SLC25A40: variants seen among roughly 807,000 people sequenced by gnomAD.
SLC25A40 encodes the protein mitochondrial glutathione transporter SLC25A40.
Under a neutral mutation model 46.5 loss-of-function variants are expected in SLC25A40, and 41 were observed. The observed-to-expected ratio is 0.88, with a 90% CI of 0.69 to 1.14. The LOEUF (loss-of-function observed/expected upper bound fraction) is 1.14. SLC25A40 is among the 50% of genes most tolerant of loss of function. The pLI is 0.00. For synonymous variants in SLC25A40, 126 were observed against 127.5 expected (o/e 0.99, Z 0.08); for missense variants, 386 against 393.6 (o/e 0.98, Z 0.16).
intron 10 of SLC25A40, among the ~76,000 whole-genome samples, chr7:87,838,272 G>T (rs1158513532): frequency 6.6e-6 from 1 of 151,320 alleles, no homozygotes; most frequent in African/African-American, 2.4e-5. Context: ...TTAAAAACAG[G>T]TCAAAGAATG....
Position 87,855,382 on chromosome 7 carries a change from T to C in SLC25A40, c.157+910A>G, listed in dbSNP as rs577672531. Reference sequence around the variant, plus strand: ...TCAATGTACATAATGCTATGCTTTGTCTCTTTTTCTGTATCTGTACTGTAC... The same window carrying C: ...TCAATGTACATAATGCTATGCTTTGCCTCTTTTTCTGTATCTGTACTGTAC... On this transcript the variant is annotated intron_variant, in intron 4 of 11. Transcript: ENST00000341119. Among the ~76,000 whole-genome samples, 10 of 152,296 alleles carry C rather than the reference T, an allele frequency of 6.6e-5. No homozygotes were observed. In the South Asian group the frequency reaches 2.1e-3, roughly 32 times the overall value.
chr7:87,840,508 A>C (rs1462584520), intron 10 of SLC25A40, among the ~76,000 whole-genome samples: 2 of 151,876 alleles, frequency 1.3e-5, no homozygotes, highest in Non-Finnish European at 2.9e-5. Context: ...TCAATGCCAC[A>C]GTCATTAATC....
chr7:87,868,267 A>T (rs1336932553), intron 1 of SLC25A40, among the ~76,000 whole-genome samples: 1 of 152,198 alleles, frequency 6.6e-6, no homozygotes, highest in Non-Finnish European at 1.5e-5. Context: ...TCGGAGGAAA[A>T]GTATCTGTGA....
rs918689482 is a variant in SLC25A40, at chr7:87,849,012, T to C, written c.332+869A>G. On this transcript the variant is annotated intron_variant, in intron 6 of 11. Coordinates refer to ENST00000341119, the MANE Select transcript of SLC25A40 (RefSeq NM_018843.4). ...GAGACAGCAAAAGCCAAGTTATTAT[T>C]TTACATTTTTACATTCAATATTAAC... Among the ~76,000 whole-genome samples, 4 of 152,330 alleles carry C rather than the reference T, an allele frequency of 2.6e-5. No homozygotes were observed. In the East Asian group the frequency reaches 7.7e-4, roughly 29 times the overall value.
rs775468495 is a variant in SLC25A40 at position 87,836,797 on chromosome 7, C to G, written c.837G>C (p.Leu279Phe). The change falls in exon 11 of 12, where the codon TTG becomes TTC. Residue 279 changes from leucine to phenylalanine, a missense_variant. Physicochemically the swap from Leu to Phe is conservative, Grantham distance 22. Transcript: ENST00000341119. ...TCATTATAATCCAGGTTGACATATG[C>G]AAAGGCATAGAAACTAAATGTTAAA... ...TYESHKISMP[L>F]HMSTWIIMKN... 3 of 1,510,792 alleles carry G rather than the reference C, an allele frequency of 2.0e-6. No homozygotes were observed. Among genetic ancestry groups the G allele is most frequent in the South Asian group, 1.3e-5 (1 of 76,524 alleles). 93.6% of individuals were successfully genotyped at this position (1,510,792 alleles called of 1,614,324 possible).
chr7:87,855,030 C>G (rs1838586743), intron 4 of SLC25A40, among the ~76,000 whole-genome samples: 1 of 151,672 alleles, frequency 6.6e-6, no homozygotes, highest in Non-Finnish European at 1.5e-5. Context: ...GGTGTGATGG[C>G]ACGTGCCTGT....
intron 5 of SLC25A40, among the ~76,000 whole-genome samples, chr7:87,853,026 G>T (rs945715646): frequency 6.6e-6 from 1 of 152,098 alleles, no homozygotes; most frequent in African/African-American, 2.4e-5. Flanking sequence ...CCCTGTGAAA[G>T]ACCATGTTTA....
At chr7:87,840,092 G>A (rs1320114427) in intron 10 of SLC25A40, among the ~76,000 whole-genome samples, 2 of 151,664 alleles carry the variant, frequency 1.3e-5, no homozygotes, top group Non-Finnish European at 3.0e-5. Context: ...TAGGCTAACA[G>A]ATTAAAATTT....
chr7:87,862,196 A>G (rs909555278), intron 1 of SLC25A40, among the ~76,000 whole-genome samples: 3 of 152,180 alleles, frequency 2.0e-5, no homozygotes, highest in Non-Finnish European at 4.4e-5. Flanking sequence ...TCCTATGTGC[A>G]GACACTGTCC....
chr7:87,858,109 C>T (rs780758357), intron 3 of SLC25A40, among the ~76,000 whole-genome samples: 7 of 152,192 alleles, frequency 4.6e-5, no homozygotes, highest in Admixed American at 1.3e-4. Flanking sequence ...GCAACTCCAC[C>T]CTGGTAAATT....
At chr7:87,867,674 A>G (rs942739900) in intron 1 of SLC25A40, among the ~76,000 whole-genome samples, 1 of 152,118 alleles carries the variant, frequency 6.6e-6, no homozygotes, top group Admixed American at 6.6e-5. Flanking sequence ...TTTGCAATGA[A>G]TAATTCATTT....
chr7:87,854,635 AC>A (rs1202088420), intron 4 of SLC25A40, among the ~76,000 whole-genome samples: 1 of 150,738 alleles, frequency 6.6e-6, no homozygotes, highest in African/African-American at 2.4e-5. Context: ...ACACAGTGAA[AC>A]CCTGTTTCTA....
chr7:87,847,031 G>A lies in SLC25A40; in HGVS notation c.549C>T (p.Val183=). The change falls in exon 8 of 12, where the codon GTC becomes GTT. Residue 183 remains valine (V), a synonymous_variant. Transcript: ENST00000341119. ...AACCATCTTCAGATACTTTCTTGCT[G>A]ACAAATCGATGCAGTTCCACGTAAG... is the stretch of plus-strand genomic sequence containing the variant. ...KFSYVELHRF[V]SKKVSEDGWI... 6.2e-7 allele frequency: 1 copy of A among 1,613,774 alleles called. No homozygotes were observed. Among genetic ancestry groups the A allele is most frequent in the South Asian group, 1.1e-5 (1 of 91,052 alleles).
chr7:87,858,736 CTAAT>C lies in SLC25A40; in HGVS notation c.-13_-10del. 1 of 1,585,080 alleles carries C rather than the reference CTAAT, an allele frequency of 6.3e-7. No individual in the cohort carries two copies. Among genetic ancestry groups the C allele is most frequent in the South Asian group, 1.1e-5 (1 of 90,342 alleles). On this transcript the variant is annotated 5_prime_UTR_variant, in exon 3 of 12. An upstream open reading frame in the 5' UTR loses its in-frame stop. Coordinates refer to ENST00000341119, the MANE Select transcript of SLC25A40 (RefSeq NM_018843.4). ...CTTGTCTCAGGATCCATATTTTTAA[CTAAT>C]TAAATAAAAACCTGTTAAAAAGAAA...
At chr7:87,870,372 T>C (rs781487234) in intron 1 of SLC25A40, among the ~76,000 whole-genome samples, 12 of 152,042 alleles carry the variant, frequency 7.9e-5, no homozygotes, top group Non-Finnish European at 1.0e-4. Context: ...ACTTTCAAGA[T>C]TAACTTATAA....
intron 10 of SLC25A40, among the ~76,000 whole-genome samples, chr7:87,838,495 A>T (rs946164100): frequency 2.0e-5 from 3 of 151,610 alleles, no homozygotes; most frequent in Admixed American, 6.6e-5. Context: ...CATTGTAAAG[A>T]AACACTTTTA....
At chr7:87,865,976 G>A (rs764937010) in intron 1 of SLC25A40, among the ~76,000 whole-genome samples, 36 of 152,022 alleles carry the variant, frequency 2.4e-4, no homozygotes, top group Non-Finnish European at 3.2e-4. Context: ...CCAGCTACTT[G>A]GGAAGCAGAG....
intron 5 of SLC25A40, among the ~76,000 whole-genome samples, chr7:87,852,024 CAG>C (rs1309775521): frequency 6.6e-6 from 1 of 152,084 alleles, no homozygotes; most frequent in African/African-American, 2.4e-5. Context: ...TAAAAACTGA[CAG>C]AGTGAAATTA....
chr7:87,855,727 A>G (rs770213332), intron 4 of SLC25A40, among the ~76,000 whole-genome samples: 1 of 152,146 alleles, frequency 6.6e-6, no homozygotes, highest in Non-Finnish European at 1.5e-5. Context: ...ATCTGAGCCA[A>G]TTTTCTCACA....
Sources: gnomAD v4.1 joint callset for allele counts (sites outside exome capture counted in the v4.1 genomes callset) on GRCh38, gnomAD v4.1.1 for gene constraint, MANE v1.5 for transcripts, NCBI Gene and HGNC (gene_info 2026-07-23, HGNC 2026-07-21) for gene names.